SLC8A3: variants seen among roughly 807,000 people sequenced by gnomAD.
SLC8A3 encodes sodium/calcium exchanger 3.
In SLC8A3, 37 loss-of-function variants were observed where a neutral mutation model predicts 65.4. The observed-to-expected ratio is 0.57, with a 90% CI of 0.44 to 0.74. The LOEUF (loss-of-function observed/expected upper bound fraction) is 0.74. Ranked by LOEUF, SLC8A3 falls within the 30% of genes least tolerant of loss-of-function variation. The probability of loss-of-function intolerance (pLI) is 0.00; values close to 1 mark genes in which losing one functional copy is unlikely to be tolerated. For synonymous variants in SLC8A3, 461 were observed against 444.5 expected (o/e 1.04, Z -0.47); for missense variants, 1,112 against 1,172.1 (o/e 0.95, Z 0.75).
chr14:70,108,815 C>T (rs967881872), intron 2 of SLC8A3, among the ~76,000 whole-genome samples: 8 of 152,182 alleles, frequency 5.3e-5, no homozygotes, highest in East Asian at 3.8e-4. Context: ...CCTGCCTCTC[C>T]GCCCTAGCCA....
chr14:70,106,529 T>G (rs1643395189), intron 2 of SLC8A3, among the ~76,000 whole-genome samples: 3 of 152,098 alleles, frequency 2.0e-5, no homozygotes, highest in Admixed American at 2.0e-4. Flanking sequence ...TTTTACTTAT[T>G]TTATGATGAT....
chr14:70,114,604 C>G (rs1383893010), intron 2 of SLC8A3, among the ~76,000 whole-genome samples: 5 of 152,158 alleles, frequency 3.3e-5, no homozygotes, highest in African/African-American at 1.2e-4. Context: ...TCCTCCCTGC[C>G]CCCATCCCTG....
chr14:70,131,883 C>A (rs1267580493), intron 2 of SLC8A3, among the ~76,000 whole-genome samples: 1 of 152,022 alleles, frequency 6.6e-6, no homozygotes, highest in African/African-American at 2.4e-5. Flanking sequence ...TAAGACAGGG[C>A]CACAGAGAAG....
chr14:70,148,203 T>A (rs556165077), intron 2 of SLC8A3, among the ~76,000 whole-genome samples: 1 of 152,358 alleles, frequency 6.6e-6, no homozygotes, highest in East Asian at 1.9e-4. Context: ...CTTCTGAACA[T>A]GATCAAGTAG....
chr14:70,162,821 T>G (rs17765507), intron 2 of SLC8A3, among the ~76,000 whole-genome samples: 30,560 of 152,118 alleles, frequency 0.2, 3,252 homozygotes, highest in Middle Eastern at 0.26. Context: ...AATGTTAAGG[T>G]TTCATTGTAA....
In SLC8A3 at chr14:70,147,068, C is replaced by T. The variant is rs59121892; in HGVS notation, c.1784+19571G>A. Reference sequence around the variant, plus strand: ...AGGATTCACTCATTCGGAGTTTGTGCTAACTTTATGGAACATAACTGCTAT... The same window carrying T: ...AGGATTCACTCATTCGGAGTTTGTGTTAACTTTATGGAACATAACTGCTAT... On this transcript the variant is annotated intron_variant, in intron 2 of 6. Coordinates refer to ENST00000356921, the MANE Select transcript of SLC8A3 (RefSeq NM_182932.3). Among the ~76,000 whole-genome samples the T allele has an allele frequency of 9.4e-3, 1,430 of 152,262 alleles. 20 individuals carry two copies. Among genetic ancestry groups the T allele is most frequent in the African/African-American group, 0.032 (1,313 of 41,542 alleles).
At chr14:70,049,716 A>C (rs992338740) in intron 5 of SLC8A3, among the ~76,000 whole-genome samples, 1 of 152,064 alleles carries the variant, frequency 6.6e-6, no homozygotes, top group Non-Finnish European at 1.5e-5. Flanking sequence ...GCCACTCTTC[A>C]CTGGATGCCA....
intron 2 of SLC8A3, among the ~76,000 whole-genome samples, chr14:70,151,509 T>TC (rs11420836): frequency 0.074 from 5,420 of 73,544 alleles, 322 homozygotes; most frequent in African/African-American, 0.23. Flanking sequence ...GAGCTGTGGG[T>TC]CAGCGTCCTG....
intron 2 of SLC8A3, among the ~76,000 whole-genome samples, chr14:70,128,693 GT>G (rs1894637144): frequency 6.6e-6 from 1 of 152,196 alleles, no homozygotes; most frequent in African/African-American, 2.4e-5. Flanking sequence ...TTATAGAGTG[GT>G]TTTTGAACAT....
chr14:70,060,606 G>C, intron 3 of SLC8A3: 2 of 673,668 alleles, frequency 3.0e-6, no homozygotes, highest in Non-Finnish European at 5.5e-6. Flanking sequence ...GGAGGAATTT[G>C]GAATAAGCTA....
At chr14:70,147,926 A>T (rs1594759835) in intron 2 of SLC8A3, among the ~76,000 whole-genome samples, 1 of 152,214 alleles carries the variant, frequency 6.6e-6, no homozygotes, top group African/African-American at 2.4e-5. Context: ...ACACAGGTCC[A>T]CCTGCCTCCA....
chr14:70,110,766 C>T (rs1008612393), intron 2 of SLC8A3, among the ~76,000 whole-genome samples: 6 of 149,596 alleles, frequency 4.0e-5, no homozygotes, highest in Non-Finnish European at 8.9e-5. Flanking sequence ...CTGAAAGTTA[C>T]GCCTCCCAGG....
intron 2 of SLC8A3, among the ~76,000 whole-genome samples, chr14:70,071,976 C>T (rs1039071288): frequency 6.6e-5 from 10 of 152,150 alleles, no homozygotes; most frequent in African/African-American, 2.4e-4. Flanking sequence ...CCCTCTGCTG[C>T]ATGCAGCTTC....
intron 2 of SLC8A3, among the ~76,000 whole-genome samples, chr14:70,072,640 A>T (rs1392200014): frequency 1.3e-5 from 2 of 151,354 alleles, no homozygotes; most frequent in Non-Finnish European, 2.9e-5. Context: ...CATCTCTGCA[A>T]CCTGAACTTT....
chr14:70,185,123 T>C (rs986559783), intron 1 of SLC8A3, among the ~76,000 whole-genome samples: 2 of 152,062 alleles, frequency 1.3e-5, no homozygotes, highest in African/African-American at 2.4e-5. Context: ...CCTGCCACCA[T>C]GCCCAGCTAA....
At chr14:70,071,570 G>A (rs150921910) in intron 2 of SLC8A3, among the ~76,000 whole-genome samples, 173 of 152,298 alleles carry the variant, frequency 1.1e-3, no homozygotes, top group African/African-American at 4.0e-3. Context: ...CACAAGAGAC[G>A]GGATTCTGCT....
At chr14:70,148,403 A>C (rs968941685) in intron 2 of SLC8A3, among the ~76,000 whole-genome samples, 9 of 152,122 alleles carry the variant, frequency 5.9e-5, no homozygotes, top group African/African-American at 1.9e-4. Context: ...TTTAGTTGGC[A>C]TGGGAGAGGG....
At chr14:70,067,142 C>T (rs1257189061) in intron 2 of SLC8A3, among the ~76,000 whole-genome samples, 1 of 152,120 alleles carries the variant, frequency 6.6e-6, no homozygotes, top group Non-Finnish European at 1.5e-5. Context: ...CAAGCCCTTT[C>T]CCACCTAAGG....
At chr14:70,119,612 A>C (rs980342294) in intron 2 of SLC8A3, among the ~76,000 whole-genome samples, 1 of 152,250 alleles carries the variant, frequency 6.6e-6, no homozygotes, top group Non-Finnish European at 1.5e-5. Flanking sequence ...TTCTCAGATC[A>C]GAAGCTCAAA....
Sources: gnomAD v4.1 joint callset for allele counts (sites outside exome capture counted in the v4.1 genomes callset) on GRCh38, gnomAD v4.1.1 for gene constraint, MANE v1.5 for transcripts, NCBI Gene and HGNC (gene_info 2026-07-23, HGNC 2026-07-21) for gene names.